Variants in SLC71A2 observed in about 807,000 individuals in gnomAD.
SLC71A2 encodes the protein hippocampus abundant transcript-like 1.
At chr9:94,447,438 C>G in the SLC71A2 span, among the ~76,000 whole-genome samples, 892 of 151,502 alleles carry the variant, frequency 5.9e-3, 7 homozygotes, top group African/African-American at 0.02. Flanking sequence ...CCTCGGTCTC[C>G]CAAAATGCTG....
the SLC71A2 span, among the ~76,000 whole-genome samples, chr9:94,432,267 G>A: frequency 7.2e-5 from 11 of 151,992 alleles, no homozygotes; most frequent in Non-Finnish European, 1.5e-4. Context: ...TTGGGAGGCC[G>A]AGGTGGGCTG....
At chr9:94,431,775 C>T in the SLC71A2 span, among the ~76,000 whole-genome samples, 2 of 152,046 alleles carry the variant, frequency 1.3e-5, no homozygotes, top group African/African-American at 2.4e-5. Context: ...GAGCCGACGT[C>T]CCAGCGTTAG....
At chr9:94,447,183 C>CTTTT in the SLC71A2 span, among the ~76,000 whole-genome samples, 2 of 145,522 alleles carry the variant, frequency 1.4e-5, no homozygotes, top group African/African-American at 5.0e-5. Flanking sequence ...CATAATTTAT[C>CTTTT]TTTTTTTTTT....
At chr9:94,435,645 T>C in the SLC71A2 span, among the ~76,000 whole-genome samples, 3 of 108,078 alleles carry the variant, frequency 2.8e-5, no homozygotes, top group Non-Finnish European at 5.1e-5. Context: ...ACCTTTTTCC[T>C]TCTTCTTTTT....
chr9:94,392,608 C>G, the SLC71A2 span, among the ~76,000 whole-genome samples: 14 of 151,930 alleles, frequency 9.2e-5, 2 homozygotes, highest in East Asian at 2.5e-3. Flanking sequence ...TCAAGTGATT[C>G]TCCTGCCTCA....
At chr9:94,419,015 C>T in the SLC71A2 span, among the ~76,000 whole-genome samples, 4 of 152,130 alleles carry the variant, frequency 2.6e-5, no homozygotes, top group African/African-American at 9.7e-5. Flanking sequence ...CGTGTTGACT[C>T]CCTTTTTTAC....
At chr9:94,383,018 T>TAATAA in the SLC71A2 span, among the ~76,000 whole-genome samples, 2 of 152,100 alleles carry the variant, frequency 1.3e-5, no homozygotes, top group African/African-American at 4.8e-5. Flanking sequence ...GGAAGCTTTA[T>TAATAA]AGTTTTAGAT....
chr9:94,423,652 G>A, the SLC71A2 span, among the ~76,000 whole-genome samples: 1 of 151,924 alleles, frequency 6.6e-6, no homozygotes, highest in Non-Finnish European at 1.5e-5. Flanking sequence ...TGGGCTTATA[G>A]AGCCAGTTAG....
the SLC71A2 span, chr9:94,459,648 CT>C: frequency 8.7e-6 from 4 of 457,364 alleles, no homozygotes; most frequent in African/African-American, 7.9e-5. Context: ...GAAATACTTC[CT>C]TGCAAATAAT....
chr9:94,380,996 T>C, the SLC71A2 span, among the ~76,000 whole-genome samples: 1 of 122,216 alleles, frequency 8.2e-6, no homozygotes, highest in Non-Finnish European at 1.7e-5. Context: ...CAGGCGATAA[T>C]TTATCTACTC....
the SLC71A2 span, chr9:94,459,244 A>G: frequency 6.2e-7 from 1 of 1,614,116 alleles, no homozygotes; most frequent in East Asian, 2.2e-5. Context: ...TCATTCCTGA[A>G]TACAGTAAAG....
the SLC71A2 span, chr9:94,433,198 G>A: frequency 3.2e-5 from 8 of 249,194 alleles, no homozygotes; most frequent in Admixed American, 3.5e-4. Context: ...CATGGTGCTG[G>A]TGTACAGCTC....
At chr9:94,460,089 A>T in the SLC71A2 span, 6 of 152,508 alleles carry the variant, frequency 3.9e-5, no homozygotes, top group East Asian at 1.2e-3. Context: ...AACTTAAATC[A>T]TGTAAAACTC....
At chr9:94,412,183 G>A in the SLC71A2 span, among the ~76,000 whole-genome samples, 1 of 152,168 alleles carries the variant, frequency 6.6e-6, no homozygotes, top group Non-Finnish European at 1.5e-5. Context: ...TACAAGTGAG[G>A]CTACTAAGGG....
At chr9:94,445,084 T>G in the SLC71A2 span, 1 of 1,614,238 alleles carries the variant, frequency 6.2e-7, no homozygotes, top group Non-Finnish European at 8.5e-7. Context: ...TCTGGACATC[T>G]GCTTCATCTT....
chr9:94,419,622 A>G, the SLC71A2 span, among the ~76,000 whole-genome samples: 22 of 152,060 alleles, frequency 1.4e-4, no homozygotes, highest in African/African-American at 5.3e-4. Flanking sequence ...TTTATTTTAG[A>G]GATGGCGTCT....
At chr9:94,427,194 T>C in the SLC71A2 span, among the ~76,000 whole-genome samples, 85 of 152,346 alleles carry the variant, frequency 5.6e-4, no homozygotes, top group African/African-American at 2.0e-3. Flanking sequence ...ATATGTTTTA[T>C]TTACAACTGC....
chr9:94,375,335 C>G, the SLC71A2 span, among the ~76,000 whole-genome samples: 1 of 151,770 alleles, frequency 6.6e-6, no homozygotes, highest in Non-Finnish European at 1.5e-5. Context: ...CCTTGCTGCT[C>G]CTTCCGTGTT....
the SLC71A2 span, among the ~76,000 whole-genome samples, chr9:94,383,161 CTTTTT>C: frequency 9.5e-6 from 1 of 105,778 alleles, no homozygotes; most frequent in African/African-American, 3.7e-5. Flanking sequence ...GCTTTTACAT[CTTTTT>C]TTTTTTTTTT....
Sources: allele counts gnomAD v4.1 joint callset (sites outside exome capture counted in the v4.1 genomes callset), GRCh38; gene constraint gnomAD v4.1.1; transcripts MANE v1.5; gene names NCBI Gene and HGNC (gene_info 2026-07-23, HGNC 2026-07-21).